IL1RAPL2: variants seen among roughly 807,000 people sequenced by gnomAD.
IL1RAPL2 encodes the protein X-linked interleukin-1 receptor accessory protein-like 2.
In IL1RAPL2, 3 loss-of-function variants were observed where a neutral mutation model predicts 44.1. That is an observed-to-expected ratio of 0.07 (90% CI 0.03 to 0.18). The LOEUF is 0.18. IL1RAPL2 is among the 10% of genes least tolerant of loss of function. IL1RAPL2 has a pLI of 1.00. For missense variants in IL1RAPL2, 391 were observed against 496.4 expected (o/e 0.79, Z 2.02); for synonymous variants, 181 against 178.8 (o/e 1.01, Z -0.10).
At chrX:104,908,146 C>T (rs1924090356) in intron 2 of IL1RAPL2, among the ~76,000 whole-genome samples, 1 of 110,600 alleles carries the variant, frequency 9.0e-6, no homozygotes, top group African/African-American at 3.3e-5. Context: ...TTATGTTTTC[C>T]ATTTGCTTGG....
intron 1 of IL1RAPL2, among the ~76,000 whole-genome samples, chrX:104,590,049 TTTG>T (rs1022098485): frequency 7.2e-5 from 8 of 111,063 alleles, no homozygotes; most frequent in African/African-American, 2.6e-4. Flanking sequence ...TTTTTGTTTG[TTTG>T]TTGTTTGTTT....
intron 2 of IL1RAPL2, among the ~76,000 whole-genome samples, chrX:104,990,375 C>T (rs1233137275): frequency 9.0e-6 from 1 of 110,584 alleles, no homozygotes; most frequent in African/African-American, 3.3e-5. Context: ...TTACAAATCA[C>T]ATACCCACCC....
intron 5 of IL1RAPL2, among the ~76,000 whole-genome samples, chrX:105,429,883 C>T (rs1299148370): frequency 9.0e-6 from 1 of 111,366 alleles, no homozygotes; most frequent in Non-Finnish European, 1.9e-5. Flanking sequence ...TGTTACACAC[C>T]TAATACCTTC....
chrX:105,406,997 T>C (rs1439662542), intron 5 of IL1RAPL2: 3 of 1,085,757 alleles, frequency 2.8e-6, no homozygotes, highest in South Asian at 1.8e-5. Context: ...AAGGGAGCTG[T>C]GTTTGAAGAG....
chrX:105,049,840 TG>T (rs1392513227), intron 2 of IL1RAPL2, among the ~76,000 whole-genome samples: 2 of 111,133 alleles, frequency 1.8e-5, no homozygotes, highest in African/African-American at 3.3e-5. Context: ...CAGTATTAAT[TG>T]GGGGGAAACT....
rs11324829 is a variant in IL1RAPL2, at chrX:104,802,344, CAA to C, written c.82+143363_82+143364del. ...TGGGTGACAGAACAAGACTACATTT[CAA>C]AAAAAAAAAAAAACAAAACAAATAA... is the stretch of plus-strand genomic sequence containing the variant. On this transcript the variant is annotated intron_variant, in intron 2 of 10. Transcript: ENST00000372582. 4.2e-3 allele frequency among the ~76,000 whole-genome samples: 271 copies of C among 65,270 alleles called. 3 individuals are homozygous for C. Among genetic ancestry groups the C allele is most frequent in the Non-Finnish European group, 6.4e-3 (219 of 34,219 alleles). The allele number at this position is 65,270 out of a possible 115,157, so 56.7% of individuals were successfully genotyped here. A position where few individuals can be genotyped will look rare whatever the true frequency, so the allele number is the denominator to read the frequency against.
chrX:104,890,957 T>C (rs933872383), intron 2 of IL1RAPL2, among the ~76,000 whole-genome samples: 8 of 112,072 alleles, frequency 7.1e-5, no homozygotes, highest in African/African-American at 2.6e-4. Flanking sequence ...CTTTACTCCC[T>C]CTTGAATTAA....
At chrX:105,418,668 A>G (rs1270837156) in intron 5 of IL1RAPL2, among the ~76,000 whole-genome samples, 2 of 112,007 alleles carry the variant, frequency 1.8e-5, no homozygotes, top group Non-Finnish European at 3.8e-5. Context: ...CACCACTGCA[A>G]TTATACTAAA....
chrX:105,230,761 C>T (rs1199466894), intron 3 of IL1RAPL2, among the ~76,000 whole-genome samples: 1 of 111,316 alleles, frequency 9.0e-6, no homozygotes, highest in Non-Finnish European at 1.9e-5. Flanking sequence ...CCATAAACAG[C>T]TTCTTATCCT....
chrX:105,587,841 C>A (rs1054089862), intron 6 of IL1RAPL2, among the ~76,000 whole-genome samples: 1 of 111,324 alleles, frequency 9.0e-6, no homozygotes, highest in Non-Finnish European at 1.9e-5. Context: ...GAGTTTGAGA[C>A]CAGCCTAGGC....
At chrX:104,599,069 T>C (rs1328492609) in intron 1 of IL1RAPL2, among the ~76,000 whole-genome samples, 1 of 111,063 alleles carries the variant, frequency 9.0e-6, no homozygotes, top group Non-Finnish European at 1.9e-5. Context: ...GTGATAGAAA[T>C]GGGGTGAAGT....
chrX:105,022,567 T>C (rs760570123), intron 2 of IL1RAPL2, among the ~76,000 whole-genome samples: 1 of 111,127 alleles, frequency 9.0e-6, no homozygotes, highest in Non-Finnish European at 1.9e-5. Context: ...CCCAGGCTCC[T>C]TGACTTTCAG....
At chrX:105,422,753 A>G (rs752910364) in intron 5 of IL1RAPL2, among the ~76,000 whole-genome samples, 3 of 111,350 alleles carry the variant, frequency 2.7e-5, no homozygotes, top group African/African-American at 9.8e-5. Context: ...CAGTCCATGT[A>G]GTTAATTCCT....
chrX:104,839,457 C>T (rs1018527693), intron 2 of IL1RAPL2, among the ~76,000 whole-genome samples: 1 of 111,697 alleles, frequency 9.0e-6, no homozygotes, highest in African/African-American at 3.3e-5. Context: ...GGTGGATAAG[C>T]TTTTTGATAT....
chrX:105,747,760 C>G (rs1001937121), intron 8 of IL1RAPL2, among the ~76,000 whole-genome samples: 6 of 108,163 alleles, frequency 5.5e-5, no homozygotes, highest in African/African-American at 2.0e-4. Context: ...TTGACAGTGC[C>G]CCAGAATTGA....
At chrX:105,541,528 A>G (rs995263061) in intron 6 of IL1RAPL2, among the ~76,000 whole-genome samples, 1 of 111,413 alleles carries the variant, frequency 9.0e-6, no homozygotes, top group Non-Finnish European at 1.9e-5. Context: ...TGGACAAAGT[A>G]GTTGGGGCAG....
chrX:105,679,734 T>TA (rs763151871), intron 6 of IL1RAPL2, among the ~76,000 whole-genome samples: 31 of 112,010 alleles, frequency 2.8e-4, no homozygotes, highest in Non-Finnish European at 4.5e-4. Context: ...CAATTTTTAC[T>TA]AAAATTCCCC....
intron 5 of IL1RAPL2, among the ~76,000 whole-genome samples, chrX:105,378,525 A>G (rs1389710332): frequency 9.0e-6 from 1 of 111,731 alleles, no homozygotes; most frequent in African/African-American, 3.2e-5. Context: ...AATAAAATAC[A>G]TTTAGGGAAA....
intron 5 of IL1RAPL2, among the ~76,000 whole-genome samples, chrX:105,272,387 C>A (rs1455497527): frequency 8.9e-6 from 1 of 112,002 alleles, no homozygotes; most frequent in Non-Finnish European, 1.9e-5. Flanking sequence ...GGCAATTCAC[C>A]ATTCACCTGG....
Sources: allele counts gnomAD v4.1 joint callset (sites outside exome capture counted in the v4.1 genomes callset), GRCh38; gene constraint gnomAD v4.1.1; transcripts MANE v1.5; gene names NCBI Gene and HGNC (gene_info 2026-07-23, HGNC 2026-07-21).